The following TTYH2 variants were observed in gnomAD, a reference collection of about 807,000 sequenced individuals.
TTYH2 encodes the protein protein tweety homolog 2.
A neutral mutation model predicts 68.3 loss-of-function variants in TTYH2; 49 were observed. The observed-to-expected ratio is 0.72, with a 90% CI of 0.57 to 0.91. TTYH2 has a LOEUF of 0.91. Among genes scored for constraint, TTYH2 ranks in the 40% least tolerant of loss-of-function variants. The pLI, the probability that TTYH2 is intolerant of heterozygous loss-of-function variation, is 0.00. For missense variants in TTYH2, 631 were observed against 700.4 expected (o/e 0.90, Z 1.12); for synonymous variants, 272 against 300.8 (o/e 0.90, Z 0.99).
intron 3 of TTYH2, among the ~76,000 whole-genome samples, chr17:74,233,218 C>G (rs1255085627): frequency 6.6e-6 from 1 of 152,142 alleles, no homozygotes; most frequent in Non-Finnish European, 1.5e-5. Flanking sequence ...GCCTTGCCTC[C>G]AGGTGGAAAG....
intron 2 of TTYH2, 59 bp from the exon 3 acceptor site, chr17:74,230,829 T>A: frequency 3.8e-6 from 6 of 1,564,678 alleles, no homozygotes; most frequent in Non-Finnish European, 5.3e-6. Context: ...TTTTTTAATA[T>A]AAGCAAACAT....
intron 10 of TTYH2, among the ~76,000 whole-genome samples, chr17:74,251,100 C>T (rs935076352): frequency 5.1e-4 from 27 of 53,458 alleles, no homozygotes; most frequent in Admixed American, 2.8e-3. Context: ...TATGTCTGTG[C>T]GTGTGTGGTG....
chr17:74,249,648 G>A (rs528312397), intron 8 of TTYH2, among the ~76,000 whole-genome samples: 21 of 152,316 alleles, frequency 1.4e-4, no homozygotes, highest in African/African-American at 4.8e-4. Flanking sequence ...GGGTGGGGCC[G>A]AGATTCTGTA....
At chr17:74,242,595 G>C (rs921610923) in intron 4 of TTYH2, among the ~76,000 whole-genome samples, 1 of 152,170 alleles carries the variant, frequency 6.6e-6, no homozygotes, top group Non-Finnish European at 1.5e-5. Context: ...GTTTCACCAC[G>C]TTGGCCAGGC....
At chr17:74,231,317 C>T (rs1042962517) in intron 3 of TTYH2, among the ~76,000 whole-genome samples, 21 of 152,348 alleles carry the variant, frequency 1.4e-4, no homozygotes, top group South Asian at 8.3e-4. Flanking sequence ...ATCAGCCCCA[C>T]TGCATTTTTT....
intron 2 of TTYH2, among the ~76,000 whole-genome samples, chr17:74,223,235 A>G (rs1019511810): frequency 6.9e-6 from 1 of 144,142 alleles, no homozygotes; most frequent in Non-Finnish European, 1.5e-5. Flanking sequence ...CAGCCTCCCA[A>G]GTGGCTGGGA....
At chr17:74,216,897 G>A (rs2050226564) in intron 1 of TTYH2, among the ~76,000 whole-genome samples, 1 of 152,246 alleles carries the variant, frequency 6.6e-6, no homozygotes, top group Non-Finnish European at 1.5e-5. Flanking sequence ...GAACTAATGA[G>A]TTCATGGATT....
rs1380576338 is a variant in TTYH2 at position 74,237,515 on chromosome 17, G to T, written c.635+1G>T. 1 of 1,601,254 alleles carries T rather than the reference G, an allele frequency of 6.2e-7. No homozygotes were observed. Among genetic ancestry groups the T allele is most frequent in the South Asian group, 1.1e-5 (1 of 90,010 alleles). Reference sequence around the variant, plus strand: ...AGACTGGCTACGTGGAGTACTACAGGTGAAGGACCGGTGGGAGGCAGAGGG... The same window carrying T: ...AGACTGGCTACGTGGAGTACTACAGTTGAAGGACCGGTGGGAGGCAGAGGG... On this transcript the variant is annotated splice_donor_variant, in intron 4 of 13. Transcript: ENST00000269346. LOFTEE classifies it high-confidence loss of function.
chr17:74,260,726 C>G lies in TTYH2; in HGVS notation c.*517C>G, dbSNP rs1286656192. On this transcript the variant is annotated 3_prime_UTR_variant, in exon 14 of 14. Transcript: ENST00000269346. ...GCTCTTTAAGAAGTTCGCACCCCTG[C>G]TGACACCAGAACAGCCCAAATCAGA... is the stretch of plus-strand genomic sequence containing the variant. The G allele has an allele frequency of 1.2e-5, 2 of 163,262 alleles. No individual in the cohort carries two copies. The highest frequency in any genetic ancestry group is 1.1e-4 in the Admixed American group (2 of 17,476). 10.1% of individuals were successfully genotyped at this position (163,262 alleles called of 1,614,324 possible).
rs1215810534 is a variant in TTYH2, at chr17:74,222,988, G to C, written c.302+331G>C. Among the ~76,000 whole-genome samples the C allele has an allele frequency of 6.6e-6, 1 of 152,144 alleles. No homozygotes were observed. The highest frequency in any genetic ancestry group is 1.5e-5 in the Non-Finnish European group (1 of 68,030). On this transcript the variant is annotated intron_variant, in intron 2 of 13. Coordinates refer to ENST00000269346, the MANE Select transcript of TTYH2 (RefSeq NM_032646.6). The surrounding 1 kb of genome is among the most constrained non-coding windows in gnomAD (Gnocchi z 5.2). ...CCTGGCCCCTGCCAGCTGCTGCCCT[G>C]GGTCTGTGAGGTCAGAAGAAAGTTT...
At chr17:74,242,802 T>C (rs1386959068) in intron 4 of TTYH2, among the ~76,000 whole-genome samples, 2 of 152,064 alleles carry the variant, frequency 1.3e-5, no homozygotes, top group Non-Finnish European at 2.9e-5. Flanking sequence ...TTAGGGGCTG[T>C]GTTAGATCTG....
chr17:74,224,035 G>T (rs1598215126), intron 2 of TTYH2, among the ~76,000 whole-genome samples: 1 of 152,342 alleles, frequency 6.6e-6, no homozygotes, highest in East Asian at 1.9e-4. Context: ...AGAGGACAGA[G>T]TTCTGGACAG....
chr17:74,216,140 A>C (rs1200569427), intron 1 of TTYH2, among the ~76,000 whole-genome samples: 1 of 152,260 alleles, frequency 6.6e-6, no homozygotes, highest in African/African-American at 2.4e-5. Context: ...CCAGTGACAC[A>C]GATCATTCAA....
intron 6 of TTYH2, among the ~76,000 whole-genome samples, chr17:74,244,318 T>C (rs954086511): frequency 2.0e-5 from 3 of 152,228 alleles, no homozygotes; most frequent in African/African-American, 7.2e-5. Flanking sequence ...TGCCCAGGCA[T>C]GCTTAGGCTT....
intron 5 of TTYH2, among the ~76,000 whole-genome samples, chr17:74,243,763 T>C (rs1439366248): frequency 6.6e-6 from 1 of 152,194 alleles, no homozygotes; most frequent in East Asian, 1.9e-4. Context: ...TAGCCAACAC[T>C]GCCCCCTTAG....
At chr17:74,231,848 G>C (rs2050392769) in intron 3 of TTYH2, among the ~76,000 whole-genome samples, 1 of 152,128 alleles carries the variant, frequency 6.6e-6, no homozygotes, top group African/African-American at 2.4e-5. Context: ...GAAGGGGAAG[G>C]CTACTCTGCC....
chr17:74,249,810 T>TG lies in TTYH2; in HGVS notation c.931-119dup, dbSNP rs1279381551. On this transcript the variant is annotated intron_variant, in intron 8 of 13. Transcript: ENST00000269346. ...AGGGGCCTGTGCAGCTGCAGCCAGG[T>TG]GGGGGGGTGGGAGGGGCAGGAGCAT... is the stretch of plus-strand genomic sequence containing the variant. 2.0e-5 allele frequency: 15 copies of TG among 735,618 alleles called. No individual in the cohort carries two copies. In the East Asian group the frequency reaches 2.5e-4, roughly 12 times the overall value. The allele number at this position is 735,618 out of a possible 1,614,324, so 45.6% of individuals were successfully genotyped here.
chr17:74,215,554 C>T lies in TTYH2; in HGVS notation c.129+1838C>T, dbSNP rs562365158. 2.3e-4 allele frequency: 313 copies of T among 1,375,054 alleles called. No homozygotes were observed. Among genetic ancestry groups the T allele is most frequent in the Non-Finnish European group, 2.9e-4 (290 of 1,011,186 alleles). 85.2% of individuals were successfully genotyped at this position (1,375,054 alleles called of 1,614,324 possible). A position where few individuals can be genotyped will look rare whatever the true frequency, so the allele number is the denominator to read the frequency against. On this transcript the variant is annotated intron_variant, in intron 1 of 13. Transcript: ENST00000269346. The surrounding 1 kb of genome is among the most constrained non-coding windows in gnomAD (Gnocchi z 4.3). ...GGTTCCAGAGGGTGTCCCTTCCCATCGGCCACTGCTCCTGGGCAGCTGACA... is the reference window on the plus strand; with the variant it reads ...GGTTCCAGAGGGTGTCCCTTCCCATTGGCCACTGCTCCTGGGCAGCTGACA...
At position 74,213,677 on chromosome 17, in the gene TTYH2, G is replaced by A. The variant is rs772819289; in HGVS notation, c.90G>A (p.Val30=). ...VPHVGLRLQP[V]NSTFSPGDES... Reference sequence around the variant, plus strand: ...ACGTCGGCCTGCGCCTGCAGCCCGTGAACAGCACCTTCAGCCCCGGCGACG... The same window carrying A: ...ACGTCGGCCTGCGCCTGCAGCCCGTAAACAGCACCTTCAGCCCCGGCGACG... The change falls in exon 1 of 14, where the codon GTG becomes GTA. Residue 30 remains valine (V), a synonymous_variant. Transcript: ENST00000269346. The surrounding 1 kb of genome is among the most constrained non-coding windows in gnomAD (Gnocchi z 6.1). 4.6e-5 allele frequency: 74 copies of A among 1,612,720 alleles called. 2 individuals are homozygous for A. In the South Asian group the frequency reaches 7.3e-4, roughly 16 times the overall value.
Sources: allele counts gnomAD v4.1 joint callset (sites outside exome capture counted in the v4.1 genomes callset), GRCh38; gene constraint gnomAD v4.1.1; non-coding constraint Gnocchi (gnomAD v3.1); transcripts MANE v1.5; gene names NCBI Gene and HGNC (gene_info 2026-07-23, HGNC 2026-07-21).